The following RARB variants were observed in gnomAD, a reference collection of about 807,000 sequenced individuals.
The protein encoded by RARB is retinoic acid receptor beta.
RARB carries 17 observed loss-of-function variants against 51.9 expected under a neutral mutation model. The observed-to-expected ratio is 0.33, with a 90% CI of 0.22 to 0.49. The LOEUF (loss-of-function observed/expected upper bound fraction) is 0.49, where lower values mean the gene tolerates loss of function less well. Among genes scored for constraint, RARB ranks in the 20% least tolerant of loss-of-function variants. The probability of loss-of-function intolerance (pLI) is 0.99; values close to 1 mark genes in which losing one functional copy is unlikely to be tolerated. For missense variants in RARB, 369 were observed against 550.8 expected, an observed-to-expected ratio of 0.67 and a Z score of 3.30; for synonymous variants, 215 against 195.4, an observed-to-expected ratio of 1.10 and a Z score of -0.84.
intron 3 of RARB, among the ~76,000 whole-genome samples, chr3:25,096,033 T>G (rs924741547): frequency 6.6e-6 from 1 of 152,202 alleles, no homozygotes; most frequent in Non-Finnish European, 1.5e-5. Flanking sequence ...ATTACTGGAC[T>G]GCTTAATTGG....
At chr3:25,432,009 T>A (rs1025250214) in intron 1 of RARB, among the ~76,000 whole-genome samples, 11 of 152,156 alleles carry the variant, frequency 7.2e-5, no homozygotes, top group African/African-American at 2.7e-4. Flanking sequence ...TTTGAATAAA[T>A]ATTTCAGTGA....
intron 6 of RARB, 63 bp downstream of exon 6, chr3:25,593,770 T>C: frequency 6.6e-7 from 1 of 1,507,012 alleles, no homozygotes. Flanking sequence ...TTGTAATTTG[T>C]GAAAAATTCC....
At chr3:25,102,429 A>C (rs1168300913) in intron 3 of RARB, among the ~76,000 whole-genome samples, 1 of 151,544 alleles carries the variant, frequency 6.6e-6, no homozygotes, top group African/African-American at 2.4e-5. Context: ...AATCCCAACT[A>C]CTCGGGGGGC....
chr3:25,417,198 TAA>T (rs35119404), intron 5 of RARB, among the ~76,000 whole-genome samples: 1 of 141,668 alleles, frequency 7.1e-6, no homozygotes, highest in African/African-American at 2.6e-5. Context: ...AAAAACCAAT[TAA>T]AAAAAAAAAA....
In RARB at chr3:25,216,699, GTT is replaced by G. The variant is rs552371017; in HGVS notation, c.178+42133_178+42134del. ...TCTGCACATTCTGCACGTGTATCCT[GTT>G]TTTTTTTTAGAAGAAACAAAATATA... On this transcript the variant is annotated intron_variant, in intron 5 of 11. Coordinates refer to the RARB transcript ENST00000383772. Among the ~76,000 whole-genome samples the G allele has an allele frequency of 5.6e-3, 810 of 145,268 alleles. 14 individuals carry two copies. Among genetic ancestry groups the G allele is most frequent in the African/African-American group, 0.018 (713 of 39,658 alleles).
At chr3:25,247,320 G>A (rs1388066719) in intron 5 of RARB, among the ~76,000 whole-genome samples, 1 of 152,180 alleles carries the variant, frequency 6.6e-6, no homozygotes, top group Non-Finnish European at 1.5e-5. Context: ...CCTTTTCCAG[G>A]GGAATGAACT....
intron 2 of RARB, among the ~76,000 whole-genome samples, chr3:25,047,047 T>C (rs990894669): frequency 3.3e-5 from 5 of 152,194 alleles, no homozygotes; most frequent in Non-Finnish European, 7.3e-5. Flanking sequence ...ACCACCCTTG[T>C]CACTAAGAGC....
At chr3:25,232,973 C>CTTTTTTTT (rs71061205) in intron 5 of RARB, among the ~76,000 whole-genome samples, 55 of 118,756 alleles carry the variant, frequency 4.6e-4, no homozygotes, top group South Asian at 8.6e-4. Context: ...TTTTCTTTTT[C>CTTTTTTTT]TTTTTTTTTT....
At chr3:24,997,023 C>A (rs1419922796) in intron 2 of RARB, among the ~76,000 whole-genome samples, 4 of 152,118 alleles carry the variant, frequency 2.6e-5, no homozygotes, top group African/African-American at 9.7e-5. Flanking sequence ...GTTTTTCTAT[C>A]TACACGATCC....
In RARB at chr3:25,289,381, C is replaced by T. The variant is rs571021043; in HGVS notation, c.178+114806C>T. 5.7e-4 allele frequency among the ~76,000 whole-genome samples: 87 copies of T among 152,308 alleles called. 2 individuals carry two copies. In the South Asian group the frequency reaches 0.017, roughly 30 times the overall value. On this transcript the variant is annotated intron_variant, in intron 5 of 11. Transcript: ENST00000383772. The stretch of plus-strand genomic sequence containing the variant: ...ATCCAAGAGACAGAGTATCCTTTTT[C>T]CCTGTTACCATCAGTCACCTCTCAA...
intron 5 of RARB, among the ~76,000 whole-genome samples, chr3:25,387,986 G>A (rs75973853): frequency 0.016 from 2,395 of 152,062 alleles, 67 homozygotes; most frequent in African/African-American, 0.052. Flanking sequence ...GACTTCCCCC[G>A]TCTCATTGAT....
intron 5 of RARB, among the ~76,000 whole-genome samples, chr3:25,198,615 A>G (rs745915479): frequency 5.3e-5 from 8 of 152,066 alleles, no homozygotes; most frequent in Admixed American, 2.6e-4. Context: ...AATCTGATTT[A>G]AAAAGGGACA....
At chr3:25,595,775 C>G (rs1955280750) in intron 7 of RARB, among the ~76,000 whole-genome samples, 1 of 152,160 alleles carries the variant, frequency 6.6e-6, no homozygotes, top group South Asian at 2.1e-4. Context: ...TTGTACTGGA[C>G]AGAGTGCTGC....
At chr3:25,261,625 C>A (rs532765350) in intron 5 of RARB, among the ~76,000 whole-genome samples, 1 of 152,240 alleles carries the variant, frequency 6.6e-6, no homozygotes, top group East Asian at 1.9e-4. Flanking sequence ...TGCTATTTGG[C>A]TGGCAGCTGC....
chr3:25,035,654 A>G (rs1164638217), intron 2 of RARB, among the ~76,000 whole-genome samples: 1 of 152,176 alleles, frequency 6.6e-6, no homozygotes, highest in Non-Finnish European at 1.5e-5. Flanking sequence ...ACTTTTTTCT[A>G]CAAAAGGCCA....
chr3:25,185,653 A>T (rs1051164963), intron 5 of RARB, among the ~76,000 whole-genome samples: 1 of 152,128 alleles, frequency 6.6e-6, no homozygotes, highest in Middle Eastern at 3.2e-3. Context: ...CTTTTATTAG[A>T]ATGCCAAAAC....
At chr3:25,172,742 G>T (rs1047083826) in intron 4 of RARB, among the ~76,000 whole-genome samples, 5 of 152,126 alleles carry the variant, frequency 3.3e-5, no homozygotes, top group African/African-American at 1.2e-4. Flanking sequence ...ATTTTGATGT[G>T]ATAACAAATA....
chr3:24,991,374 T>C (rs572558211), intron 2 of RARB, among the ~76,000 whole-genome samples: 2 of 151,078 alleles, frequency 1.3e-5, no homozygotes, highest in South Asian at 4.2e-4. Context: ...ACCTGGGAGG[T>C]AGAGGTTGCA....
At chr3:25,485,090 ATTATT>A (rs1412961784) in intron 2 of RARB, among the ~76,000 whole-genome samples, 3 of 152,240 alleles carry the variant, frequency 2.0e-5, no homozygotes, top group Non-Finnish European at 4.4e-5. Flanking sequence ...AAAAGTAAAA[ATTATT>A]TTCTTTTACT....
Sources: gnomAD v4.1 joint callset for allele counts (sites outside exome capture counted in the v4.1 genomes callset) on GRCh38, gnomAD v4.1.1 for gene constraint, MANE v1.5 for transcripts, NCBI Gene and HGNC (gene_info 2026-07-23, HGNC 2026-07-21) for gene names.